CDKN1C: variants seen among roughly 807,000 people sequenced by gnomAD.
CDKN1C encodes cyclin-dependent kinase inhibitor 1C.
Under a neutral mutation model 16.5 loss-of-function variants are expected in CDKN1C, and 7 were observed. That is an observed-to-expected ratio of 0.42 (90% CI 0.24 to 0.80). The LOEUF is 0.80. Among genes scored for constraint, CDKN1C ranks in the 30% least tolerant of loss-of-function variants. The probability of loss-of-function intolerance (pLI) is 0.26; values close to 1 mark genes in which losing one functional copy is unlikely to be tolerated. For missense variants in CDKN1C, 429 were observed against 437.3 expected (o/e 0.98, Z 0.17); for synonymous variants, 288 against 214.4 (o/e 1.34, Z -3.00).
chr11:2,885,096 C>A lies in CDKN1C; in HGVS notation c.361G>T (p.Ala121Ser). 1 of 1,419,938 alleles carries A rather than the reference C, an allele frequency of 7.0e-7. No individual in the cohort carries two copies. The allele number at this position is 1,419,938 out of a possible 1,614,324, so 88.0% of individuals were successfully genotyped here. A position where few individuals can be genotyped will look rare whatever the true frequency, so the allele number is the denominator to read the frequency against. Reference sequence around the variant, plus strand: ...GGGACACTAGGCAGCTGCTCCGGCGCCTCCTCGAGGCCGTCGAGGGACTCA... The same window carrying A: ...GGGACACTAGGCAGCTGCTCCGGCGACTCCTCGAGGCCGTCGAGGGACTCA... ...AAESLDGLEE[A>S]PEQLPSVPVP... Residue 121 changes from alanine to serine, a missense_variant, in exon 2 of 4, where the codon GCG becomes TCG. Transcript: ENST00000440480.
At chr11:2,883,963 C>A in intron 3 of CDKN1C, 36 bp downstream of exon 3, 4 of 1,549,268 alleles carry the variant, frequency 2.6e-6, no homozygotes, top group Non-Finnish European at 3.5e-6. Flanking sequence ...CCCGGCGGGT[C>A]GGCCCTCCGC....
chr11:2,885,140 G>C lies in CDKN1C; in HGVS notation c.317C>G (p.Pro106Arg), dbSNP rs945890937. The C allele has an allele frequency of 7.2e-5, 108 of 1,499,954 alleles. No individual in the cohort carries two copies. Among genetic ancestry groups the C allele is most frequent in the Non-Finnish European group, 9.1e-5 (103 of 1,133,142 alleles). 92.9% of individuals were successfully genotyped at this position (1,499,954 alleles called of 1,614,324 possible). A position where few individuals can be genotyped will look rare whatever the true frequency, so the allele number is the denominator to read the frequency against. Residue 106 changes from proline (P) to arginine (R), a missense_variant, in exon 2 of 4, where the codon CCG (proline) becomes CGG (arginine). Physicochemically the swap from Pro to Arg is moderately radical, Grantham distance 103. Coordinates refer to ENST00000440480, the MANE Select transcript of CDKN1C (RefSeq NM_001122630.2). ...GGACTCAGCGGCCGGCTCGAGGGGC[G>C]GGCTGACAGCCACCGCGACCGCGAC... The part of the protein sequence containing the change: ...RPVAVAVAVS[P>R]PLEPAAESLD...
chr11:2,884,893 G>T lies in CDKN1C; in HGVS notation c.564C>A (p.Ala188=). 1 of 877,856 alleles carries T rather than the reference G, an allele frequency of 1.1e-6. No homozygotes were observed. The highest frequency in any genetic ancestry group is 1.4e-6 in the Non-Finnish European group (1 of 725,656). 54.4% of individuals were successfully genotyped at this position (877,856 alleles called of 1,614,324 possible). A position where few individuals can be genotyped will look rare whatever the true frequency, so the allele number is the denominator to read the frequency against. ...APAPAPVAAP[A]PAPAPAPAPA... is the part of the protein sequence containing the mutation. ...GGGCCGGGGCCGGGGCCGGGGCTGG[G>T]GCCGGGGCCGCGACTGGAGCCGGGG... The change falls in exon 2 of 4, where the codon GCC becomes GCA. Residue 188 remains alanine (A), a synonymous_variant. Coordinates refer to ENST00000440480, the MANE Select transcript of CDKN1C (RefSeq NM_001122630.2).
Position 2,884,725 on chromosome 11 carries a change from C to A in CDKN1C, c.732G>T (p.Ala244=). Reference sequence around the variant, plus strand: ...TCGCCGCGCCGTTGGCGCTGGCGGCCGCGGTGCCGGCCGCGGGACGTCCCG... The same window carrying A: ...TCGCCGCGCCGTTGGCGCTGGCGGCAGCGGTGCCGGCCGCGGGACGTCCCG... ...GISGRPAAGT[A]AASANGAAIK... Residue 244 remains alanine (A), a synonymous_variant, in exon 2 of 4, where the codon GCG becomes GCT. Coordinates refer to ENST00000440480, the MANE Select transcript of CDKN1C (RefSeq NM_001122630.2). 4 of 1,505,624 alleles carry A rather than the reference C, an allele frequency of 2.7e-6. No homozygotes were observed. Among genetic ancestry groups the A allele is most frequent in the Non-Finnish European group, 3.5e-6 (4 of 1,131,524 alleles). 93.3% of individuals were successfully genotyped at this position (1,505,624 alleles called of 1,614,324 possible). A position where few individuals can be genotyped will look rare whatever the true frequency, so the allele number is the denominator to read the frequency against.
chr11:2,884,037 C>G lies in CDKN1C; in HGVS notation c.885G>C (p.Ser295=), dbSNP rs1060503861. 31 of 1,557,092 alleles carry G rather than the reference C, an allele frequency of 2.0e-5. No homozygotes were observed. The highest frequency in any genetic ancestry group is 2.7e-5 in the Non-Finnish European group (31 of 1,151,214). The change falls in exon 3 of 4, where the codon TCG becomes TCC. Residue 295 remains serine, a synonymous_variant. Transcript: ENST00000440480. Reference sequence around the variant, plus strand: ...GCCTCTTGCGCGGGGTCTGCTCCACCGAGCCCACGCCAGGGGCGGCGCTTG... The same window carrying G: ...GCCTCTTGCGCGGGGTCTGCTCCACGGAGCCCACGCCAGGGGCGGCGCTTG... The part of the protein sequence containing the change: ...PSPSAAPGVG[S]VEQTPRKRLR
At position 2,884,962 on chromosome 11, in the gene CDKN1C, C is replaced by G. The variant is rs533485167; in HGVS notation, c.495G>C (p.Ala165=). Residue 165 remains alanine (A), a synonymous_variant, in exon 2 of 4, where the codon GCG becomes GCC. Transcript: ENST00000440480. ...AAPVAAPVAV[A]VLAPAPAPAP... ...CCGGGGCCGGGGCCGGGGCCAGGACCGCGACCGCGACCGGAGCCGCGACCG... is the reference window on the plus strand; with the variant it reads ...CCGGGGCCGGGGCCGGGGCCAGGACGGCGACCGCGACCGGAGCCGCGACCG... 7,682 of 1,050,826 alleles carry G rather than the reference C, an allele frequency of 7.3e-3. 39 individuals carry two copies. The highest frequency in any genetic ancestry group is 7.7e-3 in the Non-Finnish European group (6,462 of 838,402). The allele number at this position is 1,050,826 out of a possible 1,614,324, so 65.1% of individuals were successfully genotyped here.
At position 2,884,854 on chromosome 11, in the gene CDKN1C, C is replaced by CGGGGCG. The variant is rs786205238; in HGVS notation, c.597_602dup (p.Ala204_Pro205dup). ...GAGGCGCCGCGTCCGGGGCCGGGGC[C>CGGGGCG]GGGGCGGGGGCCGGGGCCGGGGCCG... On this transcript the variant is annotated inframe_insertion, in exon 2 of 4. Coordinates refer to ENST00000440480, the MANE Select transcript of CDKN1C (RefSeq NM_001122630.2). The CGGGGCG allele has an allele frequency of 6.5e-6, 7 of 1,080,364 alleles. No homozygotes were observed. The highest frequency in any genetic ancestry group is 7.9e-6 in the Non-Finnish European group (7 of 885,536). The allele number at this position is 1,080,364 out of a possible 1,614,324, so 66.9% of individuals were successfully genotyped here.
intron 1 of CDKN1C, 66 bp downstream of exon 1, chr11:2,885,568 G>A (rs1045436619): frequency 2.6e-6 from 4 of 1,510,032 alleles, no homozygotes; most frequent in African/African-American, 2.8e-5. Context: ...AGGAGAGGGC[G>A]GAGGCCGGGC....
chr11:2,884,869 G>A lies in CDKN1C; in HGVS notation c.588C>T (p.Ala196=), dbSNP rs1590149525. The A allele has an allele frequency of 3.6e-6, 3 of 834,532 alleles. No homozygotes were observed. Among genetic ancestry groups the A allele is most frequent in the Non-Finnish European group, 4.4e-6 (3 of 682,938 alleles). The allele number at this position is 834,532 out of a possible 1,614,324, so 51.7% of individuals were successfully genotyped here. ...GGGCCGGGGCCGGGGCGGGGGCCGG[G>A]GCCGGGGCCGGGGCCGGGGCTGGGG... The part of the protein sequence containing the change: ...APAPAPAPAP[A]PAPAPAPAPD... The change falls in exon 2 of 4, where the codon GCC becomes GCT. Residue 196 remains alanine (A), a synonymous_variant. Coordinates refer to ENST00000440480, the MANE Select transcript of CDKN1C (RefSeq NM_001122630.2).
Position 2,885,378 on chromosome 11 carries a change from C to T in CDKN1C, c.79G>A (p.Asp27Asn), listed in dbSNP as rs1848978520. The change falls in exon 2 of 4, where the codon GAC becomes AAC. Residue 27 changes from aspartate (D) to asparagine (N), a missense_variant. Transcript: ENST00000440480. ...AGCTCGCGGCTCAGCTCCTCGTGGT[C>T]CACCGGCCCGAAGAGGCTGCGGCAG... ...SACRSLFGPV[D>N]HEELSRELQA... 2.5e-6 allele frequency: 4 copies of T among 1,577,418 alleles called. No individual in the cohort carries two copies. The highest frequency in any genetic ancestry group is 3.4e-6 in the Non-Finnish European group (4 of 1,164,662).
Position 2,884,191 on chromosome 11 carries a change from G to A in CDKN1C, c.788-57C>T, listed in dbSNP as rs922631097. The A allele has an allele frequency of 4.9e-5, 61 of 1,256,018 alleles. No individual in the cohort carries two copies. The African/African-American group carries it at 6.4e-4, about 13-fold the overall frequency. The allele number at this position is 1,256,018 out of a possible 1,614,324, so 77.8% of individuals were successfully genotyped here. ...GCGGGGCCGGCCCGGAGACCCGAGA[G>A]GGGGCCGGGAGAGGGCGCGGGGCGC... is the stretch of plus-strand genomic sequence containing the variant. On this transcript the variant is annotated intron_variant, in intron 2 of 3. Transcript: ENST00000440480.
At position 2,883,717 on chromosome 11, in the gene CDKN1C, T is replaced by C. The variant is rs1212592063; in HGVS notation, c.*204A>G. The C allele has an allele frequency of 3.0e-6, 4 of 1,330,086 alleles. No homozygotes were observed. The highest frequency in any genetic ancestry group is 2.0e-6 in the Non-Finnish European group (2 of 1,018,584). 82.4% of individuals were successfully genotyped at this position (1,330,086 alleles called of 1,614,324 possible). ...CTTTACACCTTGGGACCAGTGTACC[T>C]TCTCGTGCAGAATACATTTAGATAT... On this transcript the variant is annotated 3_prime_UTR_variant, in exon 4 of 4. Transcript: ENST00000440480.
Position 2,885,075 on chromosome 11 carries a change from C to T in CDKN1C, c.382G>A (p.Val128Ile), listed in dbSNP as rs1183623363. The change falls in exon 2 of 4, where the codon GTC becomes ATC. Residue 128 changes from valine to isoleucine, a missense_variant. Coordinates refer to ENST00000440480, the MANE Select transcript of CDKN1C (RefSeq NM_001122630.2). ...LEEAPEQLPS[V>I]PVPAPASTPP... The stretch of plus-strand genomic sequence containing the variant: ...GTGGACGCCGGGGCCGGGACCGGGA[C>T]ACTAGGCAGCTGCTCCGGCGCCTCC... The T allele has an allele frequency of 4.3e-6, 6 of 1,397,548 alleles. No homozygotes were observed. Among genetic ancestry groups the T allele is most frequent in the Non-Finnish European group, 5.5e-6 (6 of 1,087,092 alleles). 86.6% of individuals were successfully genotyped at this position (1,397,548 alleles called of 1,614,324 possible).
chr11:2,885,503 G>T, intron 1 of CDKN1C, 37 bp from the exon 2 acceptor site: 2 of 1,540,296 alleles, frequency 1.3e-6, no homozygotes, highest in Non-Finnish European at 8.7e-7. Flanking sequence ...CCGGGGCTGC[G>T]CAAACGCGGG....
chr11:2,883,851 A>C lies in CDKN1C; in HGVS notation c.*70T>G. On this transcript the variant is annotated 3_prime_UTR_variant, in exon 4 of 4. Transcript: ENST00000440480. The stretch of plus-strand genomic sequence containing the variant: ...GCTGCTACATGAACGGTCCCAGCCG[A>C]GGCCCAGCGCCCTTCCAACGTCCGC... The C allele has an allele frequency of 6.5e-7, 1 of 1,548,470 alleles. No homozygotes were observed. Among genetic ancestry groups the C allele is most frequent in the Non-Finnish European group, 8.7e-7 (1 of 1,147,644 alleles).
Position 2,883,794 on chromosome 11 carries a change from C to G in CDKN1C, c.*127G>C, listed in dbSNP as rs904167456. ...AGTTTTCAAAATTTAAAAACAAAAC[C>G]GAACGCTGCTCTGCGGCAGCCGCCG... is the stretch of plus-strand genomic sequence containing the variant. On this transcript the variant is annotated 3_prime_UTR_variant, in exon 4 of 4. Transcript: ENST00000440480. The G allele has an allele frequency of 8.0e-6, 12 of 1,500,166 alleles. No homozygotes were observed. In the Admixed American group the frequency reaches 1.5e-4, roughly 19 times the overall value. The allele number at this position is 1,500,166 out of a possible 1,614,324, so 92.9% of individuals were successfully genotyped here.
rs1476643480 is a variant in CDKN1C at position 2,883,225 on chromosome 11, A to G, written c.*696T>C. 1 of 152,306 alleles carries G rather than the reference A, an allele frequency of 6.6e-6. No individual in the cohort carries two copies. The highest frequency in any genetic ancestry group is 1.5e-5 in the Non-Finnish European group (1 of 68,118). 9.4% of individuals were successfully genotyped at this position (152,306 alleles called of 1,614,324 possible). A position where few individuals can be genotyped will look rare whatever the true frequency, so the allele number is the denominator to read the frequency against. ...AGCACAAACAGACTGGAGTTGCAGC[A>G]TTTTTCGGCCTCTTTATTTAGAACC... On this transcript the variant is annotated 3_prime_UTR_variant, in exon 4 of 4. Coordinates refer to ENST00000440480, the MANE Select transcript of CDKN1C (RefSeq NM_001122630.2).
At position 2,883,607 on chromosome 11, in the gene CDKN1C, AT is replaced by A. The variant is rs1432283358; in HGVS notation, c.*313del. 2.3e-5 allele frequency: 13 copies of A among 564,752 alleles called. No individual in the cohort carries two copies. In the East Asian group the frequency reaches 4.1e-4, roughly 18 times the overall value. The allele number at this position is 564,752 out of a possible 1,614,324, so 35.0% of individuals were successfully genotyped here. A position where few individuals can be genotyped will look rare whatever the true frequency, so the allele number is the denominator to read the frequency against. ...TTGTACAAATATACATGGTTTTTTT[AT>A]TTTTTCCTTTTTTTTTTCTTTTTTC... On this transcript the variant is annotated 3_prime_UTR_variant, in exon 4 of 4. Coordinates refer to ENST00000440480, the MANE Select transcript of CDKN1C (RefSeq NM_001122630.2).
Position 2,885,711 on chromosome 11 carries a change from T to C in CDKN1C, c.-88A>G. On this transcript the variant is annotated 5_prime_UTR_variant, in exon 1 of 4. Transcript: ENST00000440480. ...ACGGCAGCCGCGCCCCCTCGATGCC[T>C]GCTGGCTAGCTCGCTCGCTCAGGCC... 3 of 609,144 alleles carry C rather than the reference T, an allele frequency of 4.9e-6. No individual in the cohort carries two copies. Among genetic ancestry groups the C allele is most frequent in the East Asian group, 2.8e-5 (1 of 35,950 alleles). The allele number at this position is 609,144 out of a possible 1,614,324, so 37.7% of individuals were successfully genotyped here. A position where few individuals can be genotyped will look rare whatever the true frequency, so the allele number is the denominator to read the frequency against.
Sources: allele counts gnomAD v4.1 joint callset, GRCh38; gene constraint gnomAD v4.1.1; transcripts MANE v1.5; gene names NCBI Gene and HGNC (gene_info 2026-07-23, HGNC 2026-07-21).